The following DNASE1L3 variants were observed in gnomAD, a reference collection of about 807,000 sequenced individuals.
DNASE1L3 encodes deoxyribonuclease gamma.
In DNASE1L3, 27 loss-of-function variants were observed where a neutral mutation model predicts 30.9. The observed-to-expected ratio is 0.87, with a 90% CI of 0.64 to 1.20. The LOEUF is 1.20. DNASE1L3 is among the 50% of genes most tolerant of loss of function. The pLI is 0.00. For synonymous variants in DNASE1L3, 135 were observed against 138.0 expected (o/e 0.98, Z 0.15); for missense variants, 364 against 378.2 (o/e 0.96, Z 0.31).
chr3:58,197,929 T>C lies in DNASE1L3; in HGVS notation c.596A>G (p.Lys199Arg), dbSNP rs1344904745. ...DFNAGCSYVPKKAWKNIRLRT... is the reference protein window; with the variant it reads ...DFNAGCSYVPRKAWKNIRLRT... The stretch of plus-strand genomic sequence containing the variant: ...CAAGCGGATGTTCTTCCAGGCCTTC[T>C]TGGGGACGTAGCTGCAGCCGGCATT... Residue 199 changes from lysine (K) to arginine (R), a missense_variant, in exon 6 of 8, where the codon AAG becomes AGG. Lys to Arg is a conservative substitution (Grantham distance 26). Coordinates refer to ENST00000394549, the MANE Select transcript of DNASE1L3 (RefSeq NM_004944.4). The surrounding 1 kb of genome is among the most constrained non-coding windows in gnomAD (Gnocchi z 5.3). 4 of 1,613,956 alleles carry C rather than the reference T, an allele frequency of 2.5e-6. No individual in the cohort carries two copies. Among genetic ancestry groups the C allele is most frequent in the East Asian group, 2.2e-5 (1 of 44,880 alleles).
chr3:58,195,106 G>A (rs1404093343), intron 6 of DNASE1L3, among the ~76,000 whole-genome samples: 1 of 152,150 alleles, frequency 6.6e-6, no homozygotes, highest in Non-Finnish European at 1.5e-5. Context: ...TTCAGTCCAG[G>A]GCACCAGCCA....
chr3:58,199,402 G>A lies in DNASE1L3; in HGVS notation c.547-1424C>T, dbSNP rs142563227. On this transcript the variant is annotated intron_variant, in intron 5 of 7. Coordinates refer to ENST00000394549, the MANE Select transcript of DNASE1L3 (RefSeq NM_004944.4). ...AATCACATCCCAGCCAGGCGCCGTGGCTCACGCCTGTAATCCCAGCACTTT... is the reference window on the plus strand; with the variant it reads ...AATCACATCCCAGCCAGGCGCCGTGACTCACGCCTGTAATCCCAGCACTTT... Among the ~76,000 whole-genome samples the A allele has an allele frequency of 7.9e-5, 12 of 152,292 alleles. No individual in the cohort carries two copies. In the East Asian group the frequency reaches 1.9e-3, roughly 24 times the overall value.
At chr3:58,203,694 C>A (rs186365421) in intron 4 of DNASE1L3, among the ~76,000 whole-genome samples, 2 of 152,046 alleles carry the variant, frequency 1.3e-5, no homozygotes, top group Admixed American at 1.3e-4. Flanking sequence ...GAGCTACTTG[C>A]GAGGCTGAGG....
chr3:58,205,219 CTA>C (rs1160568678), intron 3 of DNASE1L3, among the ~76,000 whole-genome samples: 1 of 152,204 alleles, frequency 6.6e-6, no homozygotes, highest in Non-Finnish European at 1.5e-5. Context: ...CAGGACTTGA[CTA>C]TGAGGAGTAA....
chr3:58,199,608 G>A (rs2107372598), intron 5 of DNASE1L3, among the ~76,000 whole-genome samples: 1 of 151,832 alleles, frequency 6.6e-6, no homozygotes, highest in East Asian at 1.9e-4. Flanking sequence ...AGGTTGCAGT[G>A]AGCCGAGATT....
chr3:58,210,730 G>T, intron 1 of DNASE1L3, 36 bp downstream of exon 1: 1 of 1,613,496 alleles, frequency 6.2e-7, no homozygotes, highest in Non-Finnish European at 8.5e-7. Flanking sequence ...GGGTGTGAGG[G>T]GTGTCTGGGA....
intron 4 of DNASE1L3, among the ~76,000 whole-genome samples, chr3:58,202,479 G>A (rs2097401407): frequency 6.6e-6 from 1 of 150,922 alleles, no homozygotes; most frequent in Non-Finnish European, 1.5e-5. Context: ...TACAAAAAGA[G>A]TATAAACTGA....
At position 58,200,266 on chromosome 3, in the gene DNASE1L3, A is replaced by G. The variant is rs1373828178; in HGVS notation, c.546+731T>C. ...AGAGTAGCTCAACACCCTGATCACA[A>G]TGATTGGTTCAGGGATGGACACCTG... On this transcript the variant is annotated intron_variant, in intron 5 of 7. Transcript: ENST00000394549. The surrounding 1 kb of genome is among the most constrained non-coding windows in gnomAD (Gnocchi z 4.2). Among the ~76,000 whole-genome samples the G allele has an allele frequency of 2.6e-5, 4 of 152,190 alleles. No individual in the cohort carries two copies. The highest frequency in any genetic ancestry group is 4.4e-5 in the Non-Finnish European group (3 of 68,034).
chr3:58,195,613 C>CAACA, intron 6 of DNASE1L3, among the ~76,000 whole-genome samples: 1 of 38,442 alleles, frequency 2.6e-5, no homozygotes, highest in Non-Finnish European at 5.1e-5. Context: ...ACTAAAATTA[C>CAACA]AAAAAAAAAA....
chr3:58,199,028 T>C (rs1406203143), intron 5 of DNASE1L3, among the ~76,000 whole-genome samples: 3 of 152,182 alleles, frequency 2.0e-5, no homozygotes, highest in African/African-American at 7.2e-5. Flanking sequence ...AAGTGCCAGA[T>C]TTCCTTGTTT....
chr3:58,195,864 T>C (rs2097397021), intron 6 of DNASE1L3, among the ~76,000 whole-genome samples: 1 of 152,142 alleles, frequency 6.6e-6, no homozygotes, highest in African/African-American at 2.4e-5. Flanking sequence ...AAATAAGAAA[T>C]GAATCTTTAA....
In DNASE1L3 at chr3:58,208,293, C is replaced by T. The variant is rs750863656; in HGVS notation, c.155G>A (p.Cys52Tyr). ...MDVIVKVIKRCDIILVMEIKD... is the reference protein window; with the variant it reads ...MDVIVKVIKRYDIILVMEIKD... Reference sequence around the variant, plus strand: ...GATTTCCATCACGAGTATGATGTCACAGCGTTTGATGACCTGCAAGAAAGA... The same window carrying T: ...GATTTCCATCACGAGTATGATGTCATAGCGTTTGATGACCTGCAAGAAAGA... Residue 52 changes from cysteine (C) to tyrosine (Y), a missense_variant, in exon 2 of 8, where the codon TGT (cysteine) becomes TAT (tyrosine). Transcript: ENST00000394549. The T allele has an allele frequency of 6.2e-7, 1 of 1,614,226 alleles. No individual in the cohort carries two copies. Among genetic ancestry groups the T allele is most frequent in the South Asian group, 1.1e-5 (1 of 91,084 alleles).
In DNASE1L3 at chr3:58,210,877, A is replaced by C; in HGVS notation, c.30T>G (p.Leu10=). MSRELAPLL[L]LLLSIHSALA... ...GGGCGCTGTGGATGGAGAGGAGGAG[A>C]AGCAGCAGTGGGGCCAGCTCCCGTG... The change falls in exon 1 of 8, where the codon CTT becomes CTG. Residue 10 remains leucine, a synonymous_variant. Transcript: ENST00000394549. 1 of 1,614,050 alleles carries C rather than the reference A, an allele frequency of 6.2e-7. No homozygotes were observed. Among genetic ancestry groups the C allele is most frequent in the South Asian group, 1.1e-5 (1 of 91,076 alleles).
chr3:58,196,219 C>T (rs1416034229), intron 6 of DNASE1L3, among the ~76,000 whole-genome samples: 1 of 151,978 alleles, frequency 6.6e-6, no homozygotes, highest in Non-Finnish European at 1.5e-5. Flanking sequence ...AGAGTGATAA[C>T]TTCTGCAAAG....
intron 6 of DNASE1L3, among the ~76,000 whole-genome samples, chr3:58,196,808 C>A (rs979027142): frequency 6.6e-6 from 1 of 152,106 alleles, no homozygotes; most frequent in African/African-American, 2.4e-5. Flanking sequence ...GTTTGAAAAT[C>A]CCTGAAGGGA....
chr3:58,208,192 A>G (rs757918642), intron 2 of DNASE1L3, 26 bp downstream of exon 2: 1 of 1,611,604 alleles, frequency 6.2e-7, no homozygotes, highest in South Asian at 1.1e-5. Flanking sequence ...CTTGAGCCCT[A>G]GAGGGCCCAC....
rs373633551 is a variant in DNASE1L3, at chr3:58,193,326, C to G, written c.801+17G>C. The G allele has an allele frequency of 3.2e-5, 51 of 1,612,970 alleles. 2 individuals are homozygous for G. The African/African-American group carries it at 4.7e-4, about 15-fold the overall frequency. On this transcript the variant is annotated intron_variant, in intron 7 of 7. Coordinates refer to ENST00000394549, the MANE Select transcript of DNASE1L3 (RefSeq NM_004944.4). ...TTTCCAGGACAATGGCATAGAAAGA[C>G]AAGATGGCAACCTTACCTCCTCTTC... is the stretch of plus-strand genomic sequence containing the variant.
chr3:58,203,022 G>A (rs2097401789), intron 4 of DNASE1L3, among the ~76,000 whole-genome samples: 1 of 152,102 alleles, frequency 6.6e-6, no homozygotes, highest in African/African-American at 2.4e-5. Context: ...CAATGTGCGC[G>A]AGCCTCAGAA....
Position 58,192,527 on chromosome 3 carries a change from A to G in DNASE1L3, c.*160T>C. On this transcript the variant is annotated 3_prime_UTR_variant, in exon 8 of 8. Transcript: ENST00000394549. This position sits in a 1 kb window ranked among gnomAD's most constrained non-coding sequence, Gnocchi z 4.8. ...AGGTATGAGACCAAGAGAGATACAAAAGATTCTCCTTCCAATTTGGCTCAA... is the reference window on the plus strand; with the variant it reads ...AGGTATGAGACCAAGAGAGATACAAGAGATTCTCCTTCCAATTTGGCTCAA... 1.3e-6 allele frequency: 1 copy of G among 748,400 alleles called. No homozygotes were observed. 46.4% of individuals were successfully genotyped at this position (748,400 alleles called of 1,614,324 possible). A position where few individuals can be genotyped will look rare whatever the true frequency, so the allele number is the denominator to read the frequency against.
Sources: gnomAD v4.1 joint callset for allele counts (sites outside exome capture counted in the v4.1 genomes callset) on GRCh38, gnomAD v4.1.1 for gene constraint, Gnocchi (gnomAD v3.1) non-coding constraint, MANE v1.5 for transcripts, NCBI Gene and HGNC (gene_info 2026-07-23, HGNC 2026-07-21) for gene names.